The following CTDSPL2 variants were observed in gnomAD, a reference collection of about 807,000 sequenced individuals.
CTDSPL2 encodes CTD small phosphatase like 2, also known as CTD small phosphatase-like protein 2.
Under a neutral mutation model 60.0 loss-of-function variants are expected in CTDSPL2, and 5 were observed. That is an observed-to-expected ratio of 0.08 (90% confidence interval 0.04 to 0.18). The LOEUF (loss-of-function observed/expected upper bound fraction) is 0.18, where lower values mean the gene tolerates loss of function less well. Among genes scored for constraint, CTDSPL2 ranks in the 10% least tolerant of loss-of-function variants. CTDSPL2 has a pLI of 1.00. For synonymous variants in CTDSPL2, 186 were observed against 189.3 expected, an observed-to-expected ratio of 0.98 and a Z score of 0.14; for missense variants, 370 against 548.8, an observed-to-expected ratio of 0.67 and a Z score of 3.26.
rs976207426 is a variant in CTDSPL2 at position 44,523,977 on chromosome 15, C to T, written c.1336-132C>T. ...AAATTTAACTGCATCTGTGTAGTATCTCTATTTGGCAAATAAAATATGTCA... is the reference window on the plus strand; with the variant it reads ...AAATTTAACTGCATCTGTGTAGTATTTCTATTTGGCAAATAAAATATGTCA... On this transcript the variant is annotated intron_variant, in intron 12 of 12. Coordinates refer to ENST00000260327, the MANE Select transcript of CTDSPL2 (RefSeq NM_016396.3). 1.9e-5 allele frequency: 13 copies of T among 669,176 alleles called. No homozygotes were observed. In the African/African-American group the frequency reaches 2.0e-4, roughly 10 times the overall value. 41.5% of individuals were successfully genotyped at this position (669,176 alleles called of 1,614,324 possible). A position where few individuals can be genotyped will look rare whatever the true frequency, so the allele number is the denominator to read the frequency against.
intron 1 of CTDSPL2, among the ~76,000 whole-genome samples, chr15:44,444,949 A>G (rs370226676): frequency 0.012 from 1,706 of 139,590 alleles, 21 homozygotes; most frequent in South Asian, 0.022. Flanking sequence ...CCGGGTTCAC[A>G]CCATTCTCCT....
chr15:44,498,317 T>G (rs544172856), intron 7 of CTDSPL2, among the ~76,000 whole-genome samples: 1 of 152,186 alleles, frequency 6.6e-6, no homozygotes, highest in East Asian at 1.9e-4. Context: ...TCATAGAAAA[T>G]TTATCTTAGC....
chr15:44,468,943 T>C (rs1029501465), intron 2 of CTDSPL2, among the ~76,000 whole-genome samples: 1 of 152,214 alleles, frequency 6.6e-6, no homozygotes, highest in Admixed American at 6.5e-5. Context: ...GCTGTACTCC[T>C]GTTAGTCACT....
At chr15:44,466,711 G>A (rs1390915992) in intron 2 of CTDSPL2, among the ~76,000 whole-genome samples, 1 of 151,894 alleles carries the variant, frequency 6.6e-6, no homozygotes, top group Non-Finnish European at 1.5e-5. Context: ...TTGGGAGGCC[G>A]AGGCGGGCGG....
chr15:44,499,871 A>C (rs1595762782), intron 8 of CTDSPL2, 58 bp downstream of exon 8: 2 of 964,078 alleles, frequency 2.1e-6, no homozygotes, highest in East Asian at 4.8e-5. Flanking sequence ...GATAAAAAAA[A>C]CTTTTGTATT....
intron 1 of CTDSPL2, among the ~76,000 whole-genome samples, chr15:44,444,099 C>T (rs2080150283): frequency 6.6e-6 from 1 of 151,834 alleles, no homozygotes; most frequent in African/African-American, 2.4e-5. Flanking sequence ...GGGATGGGGT[C>T]TCACCTTGTT....
chr15:44,495,991 G>A (rs888112896), intron 5 of CTDSPL2, among the ~76,000 whole-genome samples: 11 of 151,928 alleles, frequency 7.2e-5, no homozygotes, highest in Admixed American at 2.6e-4. Context: ...TTTACTGACT[G>A]CGTGTATGTA....
chr15:44,488,906 A>C (rs756137750), intron 4 of CTDSPL2, among the ~76,000 whole-genome samples: 2 of 152,216 alleles, frequency 1.3e-5, no homozygotes, highest in Admixed American at 6.5e-5. Context: ...AGGTGTGTAT[A>C]TCTCTGAAGG....
intron 8 of CTDSPL2, among the ~76,000 whole-genome samples, chr15:44,506,411 A>AATTTTTTTTTTT (rs2081465226): frequency 8.3e-6 from 1 of 120,144 alleles, no homozygotes; most frequent in African/African-American, 3.5e-5. Context: ...TCCTACTTTG[A>AATTTTTTTTTTT]CTTTTTTTTT....
chr15:44,448,803 A>G, intron 1 of CTDSPL2: 1 of 353,644 alleles, frequency 2.8e-6, no homozygotes, highest in Non-Finnish European at 5.4e-6. Flanking sequence ...GCGGACGCTT[A>G]GGAGGGAAAA....
At chr15:44,502,912 A>T (rs534371312) in intron 8 of CTDSPL2, among the ~76,000 whole-genome samples, 1 of 152,250 alleles carries the variant, frequency 6.6e-6, no homozygotes, top group South Asian at 2.1e-4. Context: ...CTTTTGGTTG[A>T]TATGTAGGAA....
chr15:44,486,497 CT>C, intron 3 of CTDSPL2, 53 bp from the exon 4 acceptor site: 1 of 1,269,126 alleles, frequency 7.9e-7, no homozygotes, highest in South Asian at 1.6e-5. Context: ...TTATAACACA[CT>C]TCTGAAATTC....
chr15:44,485,670 G>A (rs1567087117), intron 3 of CTDSPL2, among the ~76,000 whole-genome samples: 1 of 152,154 alleles, frequency 6.6e-6, no homozygotes, highest in East Asian at 1.9e-4. Flanking sequence ...GGTACCAGTG[G>A]GTATGGGGTT....
At chr15:44,478,483 A>G (rs1428917394) in intron 2 of CTDSPL2, among the ~76,000 whole-genome samples, 2 of 110,874 alleles carry the variant, frequency 1.8e-5, no homozygotes, top group East Asian at 2.5e-4. Context: ...AAAAAAAAAA[A>G]GACTCATGAG....
intron 5 of CTDSPL2, among the ~76,000 whole-genome samples, chr15:44,495,348 C>T (rs1271820890): frequency 6.7e-6 from 1 of 150,370 alleles, no homozygotes; most frequent in South Asian, 2.1e-4. Context: ...TTTGGGAGGC[C>T]GAGGCCGGTG....
At chr15:44,481,584 A>G (rs1452046062) in intron 2 of CTDSPL2, among the ~76,000 whole-genome samples, 2 of 152,022 alleles carry the variant, frequency 1.3e-5, no homozygotes, top group African/African-American at 4.8e-5. Flanking sequence ...TTTTATTTTT[A>G]TTTTTTGAGA....
In CTDSPL2 at chr15:44,524,221, C is replaced by A; in HGVS notation, c.*47C>A. The stretch of plus-strand genomic sequence containing the variant: ...CTGAAGGGGGAGAGAATGCAGGACC[C>A]TTTTGGACTAAGACAAAAACATTGC... On this transcript the variant is annotated 3_prime_UTR_variant, in exon 13 of 13. Coordinates refer to ENST00000260327, the MANE Select transcript of CTDSPL2 (RefSeq NM_016396.3). The A allele has an allele frequency of 6.7e-7, 1 of 1,496,004 alleles. No homozygotes were observed. Among genetic ancestry groups the A allele is most frequent in the Non-Finnish European group, 9.3e-7 (1 of 1,074,816 alleles). The allele number at this position is 1,496,004 out of a possible 1,614,324, so 92.7% of individuals were successfully genotyped here.
At chr15:44,444,460 T>C (rs1438158617) in intron 1 of CTDSPL2, among the ~76,000 whole-genome samples, 1 of 151,980 alleles carries the variant, frequency 6.6e-6, no homozygotes, top group Non-Finnish European at 1.5e-5. Context: ...TCCTGCCACC[T>C]CAGCCTCCCA....
intron 2 of CTDSPL2, among the ~76,000 whole-genome samples, chr15:44,460,561 A>T (rs2080546293): frequency 6.6e-6 from 1 of 152,202 alleles, no homozygotes; most frequent in Admixed American, 6.6e-5. Flanking sequence ...CTTAAGCAGA[A>T]AAATAAATTA....
Sources: gnomAD v4.1 joint callset for allele counts (sites outside exome capture counted in the v4.1 genomes callset) on GRCh38, gnomAD v4.1.1 for gene constraint, MANE v1.5 for transcripts, NCBI Gene and HGNC (gene_info 2026-07-23, HGNC 2026-07-21) for gene names.